PARD3B: variants seen among roughly 807,000 people sequenced by gnomAD.
The protein encoded by PARD3B is par-3 family cell polarity regulator beta.
PARD3B carries 103 observed loss-of-function variants against 130.2 expected under a neutral mutation model. The observed-to-expected ratio is 0.79, with a 90% CI of 0.67 to 0.93. The LOEUF is 0.93. Ranked by LOEUF, PARD3B falls within the 40% of genes least tolerant of loss-of-function variation. PARD3B has a pLI of 0.00. For synonymous variants in PARD3B, 583 were observed against 553.2 expected (o/e 1.05, Z -0.76); for missense variants, 1,609 against 1,499.2 (o/e 1.07, Z -1.21).
rs568532972 is a variant in PARD3B at position 205,599,822 on chromosome 2, G to A, written c.3261-15634G>A. Among the ~76,000 whole-genome samples the A allele has an allele frequency of 5.3e-5, 8 of 152,266 alleles. No individual in the cohort carries two copies. The East Asian group carries it at 7.7e-4, about 15-fold the overall frequency. ...GGTCAAAGCTTTCTCTCTTGCACAT[G>A]CCTGGGCTGCCCGACTTACAGTTTT... On this transcript the variant is annotated intron_variant, in intron 22 of 22. Transcript: ENST00000406610.
intron 21 of PARD3B, among the ~76,000 whole-genome samples, chr2:205,531,030 C>G (rs1332276250): frequency 6.6e-6 from 1 of 152,156 alleles, no homozygotes; most frequent in Non-Finnish European, 1.5e-5. Flanking sequence ...GAAAAGCCAA[C>G]AAGAGCCTAA....
In PARD3B at chr2:204,755,853, G is replaced by A. The variant is rs183340656; in HGVS notation, c.222+69571G>A. Among the ~76,000 whole-genome samples, 4 of 152,174 alleles carry A rather than the reference G, an allele frequency of 2.6e-5. No individual in the cohort carries two copies. The East Asian group carries it at 7.7e-4, about 29-fold the overall frequency. On this transcript the variant is annotated intron_variant, in intron 2 of 22. Coordinates refer to ENST00000406610, the MANE Select transcript of PARD3B (RefSeq NM_001302769.2). ...ACCACTATTTATCTCTTATGACCCT[G>A]TGTTACATGAAAAGGAAGTGATTGC... is the stretch of plus-strand genomic sequence containing the variant.
Position 205,550,334 on chromosome 2 carries a change from A to G in PARD3B, c.3181-2990A>G, listed in dbSNP as rs778864947. ...TCCACAGTGATCTCATTGTACCACAATTGTTTGCAGGCCTGTTTCCATGAG... is the reference window on the plus strand; with the variant it reads ...TCCACAGTGATCTCATTGTACCACAGTTGTTTGCAGGCCTGTTTCCATGAG... On this transcript the variant is annotated intron_variant, in intron 21 of 22. Coordinates refer to ENST00000406610, the MANE Select transcript of PARD3B (RefSeq NM_001302769.2). The surrounding 1 kb of genome is among the most constrained non-coding windows in gnomAD (Gnocchi z 4.5). 7.2e-5 allele frequency among the ~76,000 whole-genome samples: 11 copies of G among 152,274 alleles called. No individual in the cohort carries two copies. Among genetic ancestry groups the G allele is most frequent in the African/African-American group, 1.9e-4 (8 of 41,564 alleles).
At chr2:204,797,136 C>CT (rs1233415626) in intron 2 of PARD3B, among the ~76,000 whole-genome samples, 2 of 140,560 alleles carry the variant, frequency 1.4e-5, no homozygotes, top group East Asian at 2.1e-4. Flanking sequence ...GATCATGCCA[C>CT]TGCACTCCAG....
At chr2:205,389,339 C>A (rs1461113932) in intron 18 of PARD3B, among the ~76,000 whole-genome samples, 3 of 152,042 alleles carry the variant, frequency 2.0e-5, no homozygotes, top group Non-Finnish European at 4.4e-5. Context: ...AGAGTACATA[C>A]AAATGGAGGT....
At chr2:205,082,514 C>G (rs949768281) in intron 4 of PARD3B, among the ~76,000 whole-genome samples, 1 of 152,092 alleles carries the variant, frequency 6.6e-6, no homozygotes, top group African/African-American at 2.4e-5. Flanking sequence ...GTTTTCAAAC[C>G]TGGAAAACTG....
At chr2:205,611,576 G>A (rs1005259133) in intron 22 of PARD3B, among the ~76,000 whole-genome samples, 3 of 152,148 alleles carry the variant, frequency 2.0e-5, no homozygotes, top group African/African-American at 7.2e-5. Context: ...GCATCTATGT[G>A]ATTGAAAACT....
intron 1 of PARD3B, among the ~76,000 whole-genome samples, chr2:204,638,947 A>T (rs948730035): frequency 6.6e-6 from 1 of 151,986 alleles, no homozygotes; most frequent in Non-Finnish European, 1.5e-5. Flanking sequence ...GGTGCTTATT[A>T]ACTATGTGTC....
intron 15 of PARD3B, among the ~76,000 whole-genome samples, chr2:205,216,536 A>G (rs2037920749): frequency 6.6e-6 from 1 of 152,202 alleles, no homozygotes; most frequent in African/African-American, 2.4e-5. Flanking sequence ...TATAAAACTA[A>G]TTTTAAAATA....
chr2:205,316,885 T>C (rs766532369), intron 18 of PARD3B, among the ~76,000 whole-genome samples: 37 of 152,216 alleles, frequency 2.4e-4, no homozygotes, highest in South Asian at 4.1e-4. Flanking sequence ...GTGATAAATA[T>C]GAAACTAATC....
At chr2:204,842,003 C>T (rs761543609) in intron 2 of PARD3B, among the ~76,000 whole-genome samples, 1 of 152,010 alleles carries the variant, frequency 6.6e-6, no homozygotes, top group Non-Finnish European at 1.5e-5. Context: ...GGTAATATTC[C>T]AGAAGGTTCA....
At chr2:205,522,448 G>T (rs2051116984) in intron 21 of PARD3B, among the ~76,000 whole-genome samples, 1 of 151,652 alleles carries the variant, frequency 6.6e-6, no homozygotes, top group South Asian at 2.1e-4. Flanking sequence ...TCCCATTTTT[G>T]CCTGGTGGCA....
intron 15 of PARD3B, among the ~76,000 whole-genome samples, chr2:205,217,894 A>AT (rs755570882): frequency 0.014 from 428 of 31,024 alleles, 18 homozygotes; most frequent in African/African-American, 0.033. Context: ...ATATATATAT[A>AT]TTTTTTTTTT....
chr2:205,260,728 A>G (rs1286387855), intron 16 of PARD3B, among the ~76,000 whole-genome samples: 1 of 152,152 alleles, frequency 6.6e-6, no homozygotes, highest in Non-Finnish European at 1.5e-5. Flanking sequence ...GCAAGTTCTC[A>G]AAGGAATATG....
At chr2:204,563,224 T>TCTCTCTCTCTCC (rs1480644314) in intron 1 of PARD3B, among the ~76,000 whole-genome samples, 2 of 101,278 alleles carry the variant, frequency 2.0e-5, no homozygotes, top group African/African-American at 1.0e-4. Flanking sequence ...GCTGTCTCTC[T>TCTCTCTCTCTCC]CTCTCTCTCT....
intron 2 of PARD3B, among the ~76,000 whole-genome samples, chr2:204,897,908 G>A (rs1469544707): frequency 6.6e-6 from 1 of 151,420 alleles, no homozygotes; most frequent in Non-Finnish European, 1.5e-5. Flanking sequence ...TACCTGATAG[G>A]CCTTGGTTGA....
intron 18 of PARD3B, among the ~76,000 whole-genome samples, chr2:205,374,424 A>G (rs1183536642): frequency 1.3e-5 from 2 of 151,852 alleles, no homozygotes; most frequent in African/African-American, 4.8e-5. Context: ...TTTAGTAGAA[A>G]CGGTTTCGCC....
intron 4 of PARD3B, among the ~76,000 whole-genome samples, chr2:205,065,559 G>A (rs930001650): frequency 6.6e-6 from 1 of 152,072 alleles, no homozygotes; most frequent in Non-Finnish European, 1.5e-5. Context: ...TAGCCGTGTT[G>A]GGAAGTGGGG....
chr2:204,775,245 A>T (rs1453928936), intron 2 of PARD3B, among the ~76,000 whole-genome samples: 2 of 152,272 alleles, frequency 1.3e-5, no homozygotes, highest in African/African-American at 2.4e-5. Flanking sequence ...GCATAAAAGT[A>T]TGTTTTAGTT....
Sources: allele counts gnomAD v4.1 joint callset (sites outside exome capture counted in the v4.1 genomes callset), GRCh38; gene constraint gnomAD v4.1.1; non-coding constraint Gnocchi (gnomAD v3.1); transcripts MANE v1.5; gene names NCBI Gene and HGNC (gene_info 2026-07-23, HGNC 2026-07-21).